The following MDGA2 variants were observed in gnomAD, a reference collection of about 807,000 sequenced individuals.
The protein encoded by MDGA2 is MAM domain-containing glycosylphosphatidylinositol anchor protein 2.
A neutral mutation model predicts 117.8 loss-of-function variants in MDGA2; 40 were observed. The ratio of observed to expected loss-of-function variants is 0.34; its 90% CI spans 0.26 to 0.44. The LOEUF (loss-of-function observed/expected upper bound fraction) is 0.44, where lower values mean the gene tolerates loss of function less well. Among genes scored for constraint, MDGA2 ranks in the 20% least tolerant of loss-of-function variants. The probability of loss-of-function intolerance (pLI) is 1.00; values close to 1 mark genes in which losing one functional copy is unlikely to be tolerated. For synonymous variants in MDGA2, 452 were observed against 439.0 expected (o/e 1.03, Z -0.37); for missense variants, 1,123 against 1,250.6 (o/e 0.90, Z 1.54).
chr14:47,047,975 C>G lies in MDGA2; in HGVS notation c.1526-12671G>C, dbSNP rs1266015235. Among the ~76,000 whole-genome samples, 4 of 151,892 alleles carry G rather than the reference C, an allele frequency of 2.6e-5. No homozygotes were observed. The East Asian group carries it at 7.7e-4, about 29-fold the overall frequency. On this transcript the variant is annotated intron_variant, in intron 7 of 16. Transcript: ENST00000399232. ...AATCTGAATAGTCAGAGGCATTCCCCCAAAGCCATCCAAGGAAAGAAGATT... is the reference window on the plus strand; with the variant it reads ...AATCTGAATAGTCAGAGGCATTCCCGCAAAGCCATCCAAGGAAAGAAGATT...
At chr14:47,656,533 T>G (rs1594966422) in intron 1 of MDGA2, among the ~76,000 whole-genome samples, 1 of 152,170 alleles carries the variant, frequency 6.6e-6, no homozygotes, top group Non-Finnish European at 1.5e-5. Flanking sequence ...GTGGCTGCGG[T>G]AAAAATAAAC....
chr14:47,547,670 C>T (rs914800806), intron 1 of MDGA2, among the ~76,000 whole-genome samples: 1 of 152,190 alleles, frequency 6.6e-6, no homozygotes, highest in Non-Finnish European at 1.5e-5. Context: ...TTATAAACTT[C>T]TTTCAAAGCC....
At chr14:47,143,967 G>T in intron 4 of MDGA2, 111 bp downstream of exon 4, 1 of 748,956 alleles carries the variant, frequency 1.3e-6, no homozygotes, top group Non-Finnish European at 1.9e-6. Context: ...ATTGGTTTTT[G>T]AAAGGCCAGA....
intron 1 of MDGA2, among the ~76,000 whole-genome samples, chr14:47,348,860 G>A (rs1890819141): frequency 6.6e-6 from 1 of 152,198 alleles, no homozygotes; most frequent in Admixed American, 6.5e-5. Flanking sequence ...TAGTTTGCAA[G>A]TGGAGAAAAG....
chr14:47,181,002 T>C (rs1191593102), intron 3 of MDGA2, among the ~76,000 whole-genome samples: 2 of 152,140 alleles, frequency 1.3e-5, no homozygotes, highest in African/African-American at 4.8e-5. Context: ...CGATCATTTA[T>C]ATACTTGGTA....
At chr14:47,443,648 C>T (rs920415971) in intron 1 of MDGA2, among the ~76,000 whole-genome samples, 1 of 152,038 alleles carries the variant, frequency 6.6e-6, no homozygotes, top group Admixed American at 6.6e-5. Flanking sequence ...AAATATGGTA[C>T]TAATTGTCCA....
intron 1 of MDGA2, among the ~76,000 whole-genome samples, chr14:47,673,806 G>C (rs1383613792): frequency 6.6e-6 from 1 of 151,986 alleles, no homozygotes; most frequent in African/African-American, 2.4e-5. Flanking sequence ...GTTTTCCAGA[G>C]GGGAGATGAG....
chr14:47,200,933 C>T (rs545428506), intron 3 of MDGA2: 54 of 831,270 alleles, frequency 6.5e-5, no homozygotes, highest in Middle Eastern at 3.4e-4. Context: ...CAGCAAGCCT[C>T]GCTCGGTCCG....
chr14:47,301,687 A>G, intron 1 of MDGA2, 137 bp from the exon 2 acceptor site: 2 of 848,656 alleles, frequency 2.4e-6, no homozygotes, highest in East Asian at 2.7e-5. Flanking sequence ...CAGTCTTAAC[A>G]CCTCCCCAAG....
At chr14:47,455,988 C>T (rs1317866228) in intron 1 of MDGA2, among the ~76,000 whole-genome samples, 1 of 151,264 alleles carries the variant, frequency 6.6e-6, no homozygotes, top group East Asian at 1.9e-4. Flanking sequence ...CAAAGTGAGA[C>T]TCTGTCTCAA....
At chr14:46,903,940 C>T (rs1883389594) in intron 10 of MDGA2, among the ~76,000 whole-genome samples, 1 of 152,100 alleles carries the variant, frequency 6.6e-6, no homozygotes, top group Admixed American at 6.5e-5. Flanking sequence ...AAATCCAGTT[C>T]ACATTATAAA....
intron 9 of MDGA2, among the ~76,000 whole-genome samples, chr14:46,950,120 A>C (rs1443700639): frequency 6.6e-6 from 1 of 152,008 alleles, no homozygotes; most frequent in Non-Finnish European, 1.5e-5. Flanking sequence ...ACTGTTTAAA[A>C]AATTATATGA....
intron 1 of MDGA2, among the ~76,000 whole-genome samples, chr14:47,557,744 G>T (rs1182946247): frequency 6.6e-6 from 1 of 152,178 alleles, no homozygotes; most frequent in African/African-American, 2.4e-5. Context: ...GTGAATAAAA[G>T]ATTTGTTAGG....
At chr14:46,994,153 C>T (rs1011574420) in intron 8 of MDGA2, among the ~76,000 whole-genome samples, 3 of 152,096 alleles carry the variant, frequency 2.0e-5, no homozygotes, top group Admixed American at 1.3e-4. Context: ...CAATACTCTG[C>T]GCATATTGTC....
chr14:47,471,178 A>G (rs1893720006), intron 1 of MDGA2, among the ~76,000 whole-genome samples: 1 of 151,844 alleles, frequency 6.6e-6, no homozygotes, highest in Non-Finnish European at 1.5e-5. Context: ...GATGGCTGTT[A>G]GAATAAAAAT....
intron 10 of MDGA2, among the ~76,000 whole-genome samples, chr14:46,883,559 G>A (rs1381965304): frequency 1.3e-5 from 2 of 151,902 alleles, no homozygotes; most frequent in Non-Finnish European, 2.9e-5. Flanking sequence ...TTGTACTTTA[G>A]TAACAATAAA....
At chr14:47,569,413 C>G (rs1895978468) in intron 1 of MDGA2, among the ~76,000 whole-genome samples, 1 of 152,080 alleles carries the variant, frequency 6.6e-6, no homozygotes, top group South Asian at 2.1e-4. Context: ...TTAATCTGGT[C>G]CAGTCAGGTT....
chr14:47,490,353 A>C (rs1055785964), intron 1 of MDGA2, among the ~76,000 whole-genome samples: 1 of 152,130 alleles, frequency 6.6e-6, no homozygotes, highest in Non-Finnish European at 1.5e-5. Context: ...ATTTTATTTA[A>C]AGCAAATACT....
intron 1 of MDGA2, among the ~76,000 whole-genome samples, chr14:47,456,267 G>A (rs1893350062): frequency 6.7e-6 from 1 of 150,266 alleles, no homozygotes. Context: ...AGACAATTGA[G>A]TCAGTGTGAG....
Sources: allele counts gnomAD v4.1 joint callset (sites outside exome capture counted in the v4.1 genomes callset), GRCh38; gene constraint gnomAD v4.1.1; transcripts MANE v1.5; gene names NCBI Gene and HGNC (gene_info 2026-07-23, HGNC 2026-07-21).